The following FTCDNL1 variants were observed in gnomAD, a reference collection of about 807,000 sequenced individuals.
FTCDNL1 encodes the protein formiminotransferase N-terminal subdomain-containing protein.
A neutral mutation model predicts 5.9 loss-of-function variants in FTCDNL1; 11 were observed. The ratio of observed to expected loss-of-function variants is 1.87; its 90% CI spans 1.18 to 3.10. FTCDNL1 has a LOEUF of 3.10. Ranked by LOEUF, FTCDNL1 falls within the 30% of genes most tolerant of loss-of-function variation. The pLI, the probability that FTCDNL1 is intolerant of heterozygous loss-of-function variation, is 0.00. For synonymous variants in FTCDNL1, 58 were observed against 24.8 expected, an observed-to-expected ratio of 2.34 and a Z score of -3.99; for missense variants, 115 against 65.5, an observed-to-expected ratio of 1.76 and a Z score of -2.61.
the FTCDNL1 span, among the ~76,000 whole-genome samples, chr2:199,686,456 T>A: frequency 6.6e-6 from 1 of 152,198 alleles, no homozygotes; most frequent in Admixed American, 6.5e-5. Context: ...TTGAGTTTCA[T>A]CATTCCATAG....
chr2:199,830,346 C>T (rs955169089), intron 3 of FTCDNL1, among the ~76,000 whole-genome samples: 2 of 152,098 alleles, frequency 1.3e-5, no homozygotes, highest in Admixed American at 6.5e-5. Flanking sequence ...TACAGTATAG[C>T]AGTGTGATGC....
chr2:199,787,287 A>G lies in FTCDNL1; in HGVS notation c.212-26452T>C, dbSNP rs189330955. 1.9e-4 allele frequency among the ~76,000 whole-genome samples: 29 copies of G among 151,846 alleles called. No homozygotes were observed. In the East Asian group the frequency reaches 5.4e-3, roughly 28 times the overall value. On this transcript the variant is annotated intron_variant, in intron 3 of 3. Transcript: ENST00000416668. ...AACCTTCACCTTCCAGGTTCAAGCG[A>G]TTCTCCTGACTCAGCTTCCTGAGTA...
the FTCDNL1 span, among the ~76,000 whole-genome samples, chr2:199,750,619 C>T: frequency 1.3e-5 from 2 of 152,132 alleles, no homozygotes; most frequent in Non-Finnish European, 2.9e-5. Context: ...TTCTAGAAAA[C>T]ACCAAGAAAA....
chr2:199,763,720 CTT>C (rs1420798579), intron 3 of FTCDNL1, among the ~76,000 whole-genome samples: 5 of 152,194 alleles, frequency 3.3e-5, no homozygotes, highest in African/African-American at 1.2e-4. Context: ...GCATCAGAGA[CTT>C]TATAAACTTT....
At chr2:199,697,856 A>T in the FTCDNL1 span, among the ~76,000 whole-genome samples, 2 of 152,192 alleles carry the variant, frequency 1.3e-5, no homozygotes, top group African/African-American at 4.8e-5. Flanking sequence ...AAGAAGCAAG[A>T]CCCAACTGTA....
chr2:199,693,904 TG>T, the FTCDNL1 span, among the ~76,000 whole-genome samples: 37 of 152,232 alleles, frequency 2.4e-4, no homozygotes, highest in African/African-American at 8.4e-4. Flanking sequence ...CGGCTTCATC[TG>T]GGGATTGGAA....
chr2:199,701,332 A>G, the FTCDNL1 span, among the ~76,000 whole-genome samples: 1 of 55,934 alleles, frequency 1.8e-5, no homozygotes, highest in Non-Finnish European at 3.5e-5. Flanking sequence ...AAAAAAAAAA[A>G]AAAAAAAAAA....
the FTCDNL1 span, among the ~76,000 whole-genome samples, chr2:199,669,890 A>G: frequency 6.6e-6 from 1 of 152,204 alleles, no homozygotes; most frequent in African/African-American, 2.4e-5. Context: ...AATAAAATAT[A>G]ATTTTCGGGA....
chr2:199,758,737 T>A (rs1698156128), downstream of FTCDNL1, among the ~76,000 whole-genome samples: 1 of 152,112 alleles, frequency 6.6e-6, no homozygotes, highest in African/African-American at 2.4e-5. Context: ...TTGTAGGAAA[T>A]GGGGTAGGGG....
At chr2:199,804,678 G>A (rs866825224), downstream of FTCDNL1, among the ~76,000 whole-genome samples, 4 of 152,120 alleles carry the variant, frequency 2.6e-5, no homozygotes, top group Admixed American at 1.3e-4. Flanking sequence ...GTAACCATGC[G>A]TGGGCTGTTT....
chr2:199,739,598 C>T, the FTCDNL1 span, among the ~76,000 whole-genome samples: 1 of 152,254 alleles, frequency 6.6e-6, no homozygotes, highest in Non-Finnish European at 1.5e-5. Context: ...TGTTTCATTC[C>T]TCCCTTGCTT....
chr2:199,723,590 T>G, the FTCDNL1 span, among the ~76,000 whole-genome samples: 2 of 152,194 alleles, frequency 1.3e-5, no homozygotes, highest in African/African-American at 2.4e-5. Flanking sequence ...GTTTTTAACA[T>G]GAGGGGACGT....
the FTCDNL1 span, among the ~76,000 whole-genome samples, chr2:199,668,289 A>G: frequency 6.6e-6 from 1 of 152,204 alleles, no homozygotes; most frequent in Admixed American, 6.5e-5. Context: ...TACCTTAAAA[A>G]TAGTTTTTCA....
At chr2:199,774,536 G>C (rs927508125) in intron 3 of FTCDNL1, among the ~76,000 whole-genome samples, 1 of 152,092 alleles carries the variant, frequency 6.6e-6, no homozygotes, top group African/African-American at 2.4e-5. Flanking sequence ...GTTTTTAATG[G>C]TGGGGGCTTT....
the FTCDNL1 span, among the ~76,000 whole-genome samples, chr2:199,708,842 T>A: frequency 1.3e-5 from 2 of 152,146 alleles, no homozygotes; most frequent in Non-Finnish European, 2.9e-5. Context: ...TAGTAAAAAC[T>A]CAATGGTATC....
At chr2:199,804,221 G>C (rs573824040) in intron 3 of FTCDNL1, among the ~76,000 whole-genome samples, 1 of 152,286 alleles carries the variant, frequency 6.6e-6, no homozygotes, top group South Asian at 2.1e-4. Context: ...TCTTCATGGA[G>C]ATACAGGTAC....
chr2:199,715,107 A>C, the FTCDNL1 span, among the ~76,000 whole-genome samples: 1 of 152,036 alleles, frequency 6.6e-6, no homozygotes, highest in East Asian at 1.9e-4. Context: ...AAATAATAAT[A>C]ATTAAAAAAC....
At position 199,848,893 on chromosome 2, in the gene FTCDNL1, A is replaced by G. The variant is rs761580889; in HGVS notation, c.70T>C (p.Tyr24His). The G allele has an allele frequency of 1.4e-6, 1 of 702,284 alleles. No individual in the cohort carries two copies. The highest frequency in any genetic ancestry group is 2.6e-6 in the Non-Finnish European group (1 of 384,784). The allele number at this position is 702,284 out of a possible 1,614,324, so 43.5% of individuals were successfully genotyped here. Residue 24 changes from tyrosine to histidine, a missense_variant, in exon 2 of 5, where the codon TAC (tyrosine) becomes CAC (histidine). Transcript: ENST00000420128. The stretch of plus-strand genomic sequence containing the variant: ...GCTTTTGCTATGTTCTCAACAATGT[A>G]TTTTCTTCCGGCTTCTGAAACGTTT... ...LLNVSEAGRK[Y>H]IVENIAKAAL...
At chr2:199,828,760 A>T (rs563269512) in intron 3 of FTCDNL1, among the ~76,000 whole-genome samples, 15 of 152,332 alleles carry the variant, frequency 9.8e-5, no homozygotes, top group African/African-American at 3.6e-4. Context: ...GTTACTCAAT[A>T]AAGGTTTATC....
Sources: allele counts gnomAD v4.1 joint callset (sites outside exome capture counted in the v4.1 genomes callset), GRCh38; gene constraint gnomAD v4.1.1; transcripts MANE v1.5; gene names NCBI Gene and HGNC (gene_info 2026-07-23, HGNC 2026-07-21).